The following COG4 variants were observed in gnomAD, a reference collection of about 807,000 sequenced individuals.
The protein encoded by COG4 is conserved oligomeric Golgi complex subunit 4.
Under a neutral mutation model 95.1 loss-of-function variants are expected in COG4, and 65 were observed. That is an observed-to-expected ratio of 0.68 (90% CI 0.56 to 0.84). The LOEUF (loss-of-function observed/expected upper bound fraction) is 0.84, where lower values mean the gene tolerates loss of function less well. Ranked by LOEUF, COG4 falls within the 40% of genes least tolerant of loss-of-function variation. COG4 has a pLI of 0.00. For synonymous variants in COG4, 421 were observed against 374.8 expected (o/e 1.12, Z -1.42); for missense variants, 1,045 against 989.1 (o/e 1.06, Z -0.76).
intron 8 of COG4, 112 bp downstream of exon 8, chr16:70,508,294 T>C (rs2049621718): frequency 3.4e-6 from 3 of 880,454 alleles, no homozygotes; most frequent in Non-Finnish European, 5.7e-6. Context: ...ATAAGAGTAA[T>C]TGATAAAATA....
intron 8 of COG4, among the ~76,000 whole-genome samples, chr16:70,502,634 G>C (rs1380557779): frequency 6.6e-6 from 1 of 151,850 alleles, no homozygotes; most frequent in Non-Finnish European, 1.5e-5. Context: ...TGTCTCATGT[G>C]AAAGAAAACT....
In COG4 at chr16:70,517,678, C is replaced by G; in HGVS notation, c.317G>C (p.Cys106Ser). The stretch of plus-strand genomic sequence containing the variant: ...GCTGGACACATTCTCAGCCAGGTTG[C>G]AGGTAAAGGTGATCATTCCAGCCAG... ...KQLAGMITFT[C>S]NLAENVSSKV... is the part of the protein sequence containing the mutation. Residue 106 changes from cysteine (C) to serine (S), a missense_variant, in exon 3 of 19, where the codon TGC (cysteine) becomes TCC (serine). Cys to Ser is a moderately radical substitution (Grantham distance 112). Transcript: ENST00000323786. The G allele has an allele frequency of 6.2e-7, 1 of 1,611,464 alleles. No individual in the cohort carries two copies. The highest frequency in any genetic ancestry group is 8.5e-7 in the Non-Finnish European group (1 of 1,179,134).
chr16:70,491,650 C>G (rs2049245480), intron 12 of COG4, among the ~76,000 whole-genome samples: 1 of 151,018 alleles, frequency 6.6e-6, no homozygotes. Flanking sequence ...TGGCGAAACC[C>G]CGTCTCTACT....
At chr16:70,493,234 C>T (rs1279341350) in intron 12 of COG4, among the ~76,000 whole-genome samples, 1 of 152,088 alleles carries the variant, frequency 6.6e-6, no homozygotes, top group Non-Finnish European at 1.5e-5. Context: ...TCTGGTTTAT[C>T]TATTTCTTGT....
chr16:70,499,691 C>T (rs186097253), intron 9 of COG4, among the ~76,000 whole-genome samples: 81 of 152,252 alleles, frequency 5.3e-4, no homozygotes, highest in South Asian at 1.7e-3. Context: ...GACAGAGTCT[C>T]GCTTGTCGCC....
At position 70,504,609 on chromosome 16, in the gene COG4, T is replaced by TA. The variant is rs66751123; in HGVS notation, c.1062-3519dup. On this transcript the variant is annotated intron_variant, in intron 8 of 18. Coordinates refer to ENST00000323786, the MANE Select transcript of COG4 (RefSeq NM_015386.3). ...GTGACGGAGTGAGTGAGATTCTATTTAAAAAAAAAAAAAAAAAAAGAGGCC... is the reference window on the plus strand; with the variant it reads ...GTGACGGAGTGAGTGAGATTCTATTTAAAAAAAAAAAAAAAAAAAAGAGGCC... 3.1e-3 allele frequency among the ~76,000 whole-genome samples: 376 copies of TA among 121,952 alleles called. 2 individuals are homozygous for TA. The highest frequency in any genetic ancestry group is 8.8e-3 in the African/African-American group (245 of 27,912). The allele number at this position is 121,952 out of a possible 152,430, so 80.0% of individuals were successfully genotyped here.
intron 12 of COG4, among the ~76,000 whole-genome samples, chr16:70,494,916 A>G (rs1251580996): frequency 6.6e-6 from 1 of 152,172 alleles, no homozygotes; most frequent in Admixed American, 6.5e-5. Context: ...AACCATACAC[A>G]GGGCAAATAT....
At chr16:70,522,538 T>A (rs532571575) in intron 1 of COG4, among the ~76,000 whole-genome samples, 1 of 152,214 alleles carries the variant, frequency 6.6e-6, no homozygotes, top group Non-Finnish European at 1.5e-5. Context: ...AAGTTTATAC[T>A]TGAAAATACT....
intron 13 of COG4, among the ~76,000 whole-genome samples, chr16:70,487,244 A>G (rs991582959): frequency 6.7e-6 from 1 of 150,354 alleles, no homozygotes; most frequent in African/African-American, 2.5e-5. Flanking sequence ...CCACTGCACT[A>G]CAGCCTGGGC....
chr16:70,518,800 A>G (rs2151764986), intron 2 of COG4, among the ~76,000 whole-genome samples: 1 of 152,090 alleles, frequency 6.6e-6, no homozygotes, highest in South Asian at 2.1e-4. Flanking sequence ...AACATGGTGA[A>G]ACCCTGTCTC....
chr16:70,506,630 C>A (rs1427312828), intron 8 of COG4, among the ~76,000 whole-genome samples: 10,460 of 59,710 alleles, frequency 0.18, 25 homozygotes, highest in Non-Finnish European at 0.24. Context: ...AAAAAAAAAA[C>A]ATTTAGCTGG....
intron 14 of COG4, 123 bp downstream of exon 14, chr16:70,483,730 G>C: frequency 2.5e-6 from 2 of 810,334 alleles, no homozygotes; most frequent in Non-Finnish European, 4.4e-6. Flanking sequence ...CCAGGCTCCA[G>C]GGCTTGCGTG....
chr16:70,496,282 G>A lies in COG4; in HGVS notation c.1631C>T (p.Ala544Val), dbSNP rs886052258. 4.1e-5 allele frequency: 66 copies of A among 1,614,018 alleles called. No homozygotes were observed. The highest frequency in any genetic ancestry group is 5.3e-5 in the African/African-American group (4 of 74,906). Reference sequence around the variant, plus strand: ...GGTACCTACCAGGAAGGACATCTTCGCCTCGTCAGTACTCTCGATGCCTTT... The same window carrying A: ...GGTACCTACCAGGAAGGACATCTTCACCTCGTCAGTACTCTCGATGCCTTT... ...DTKGIESTDE[A>V]KMSFLVTLNN... The change falls in exon 12 of 19, where the codon GCG becomes GTG. Residue 544 changes from alanine (A) to valine (V), a missense_variant. Physicochemically the swap from Ala to Val is moderately conservative, Grantham distance 64. Coordinates refer to ENST00000323786, the MANE Select transcript of COG4 (RefSeq NM_015386.3).
rs368632203 is a variant in COG4, at chr16:70,497,989, A to G, written c.1262T>C (p.Ile421Thr). ...CLLSCTMQEL[I>T]GLYVTMEEYF... is the part of the protein sequence containing the mutation. ...CTCCTCCATGGTAACATATAAGCCA[A>G]TTAGCTCCTGCATGGTACAGCTCAA... is the stretch of plus-strand genomic sequence containing the variant. Residue 421 changes from isoleucine (I) to threonine (T), a missense_variant, in exon 10 of 19, where the codon ATT becomes ACT. Ile to Thr is a moderately conservative substitution (Grantham distance 89, BLOSUM62 -1). Transcript: ENST00000323786. 2.5e-6 allele frequency: 4 copies of G among 1,613,590 alleles called. No individual in the cohort carries two copies. In the African/African-American group the frequency reaches 4.0e-5, roughly 16 times the overall value.
chr16:70,482,407 T>C (rs1373620361), intron 15 of COG4: 1 of 622,810 alleles, frequency 1.6e-6, no homozygotes, highest in Non-Finnish European at 2.9e-6. Context: ...TGGCATTTTA[T>C]TCCTTCTTGG....
intron 16 of COG4, 85 bp from the exon 17 acceptor site, chr16:70,481,950 G>A (rs1302477117): frequency 7.9e-6 from 11 of 1,393,038 alleles, no homozygotes; most frequent in South Asian, 4.7e-5. Context: ...GGATAGTAGC[G>A]TGAGGCCACG....
At chr16:70,519,137 T>TTTTTTTTTTTTTG in intron 2 of COG4, among the ~76,000 whole-genome samples, 1 of 87,702 alleles carries the variant, frequency 1.1e-5, no homozygotes, top group Admixed American at 1.0e-4. Context: ...TTTTTTTTTT[T>TTTTTTTTTTTTTG]GAGACGGAGT....
chr16:70,517,587 CAAAA>C (rs746781437), intron 3 of COG4, 35 bp downstream of exon 3: 4,333 of 497,412 alleles, frequency 8.7e-3, no homozygotes, highest in East Asian at 0.013. Flanking sequence ...GACCCTGTCT[CAAAA>C]AAAAAAAAAA....
At chr16:70,503,987 C>T (rs2049507460) in intron 8 of COG4, among the ~76,000 whole-genome samples, 1 of 152,174 alleles carries the variant, frequency 6.6e-6, no homozygotes, top group Admixed American at 6.5e-5. Context: ...CTCTTTATGA[C>T]ATGCTGTCCT....
Sources: allele counts gnomAD v4.1 joint callset (sites outside exome capture counted in the v4.1 genomes callset), GRCh38; gene constraint gnomAD v4.1.1; transcripts MANE v1.5; gene names NCBI Gene and HGNC (gene_info 2026-07-23, HGNC 2026-07-21).